TRNP1: variants seen among roughly 807,000 people sequenced by gnomAD.
The protein encoded by TRNP1 is TMF-regulated nuclear protein 1.
Under a neutral mutation model 12.2 loss-of-function variants are expected in TRNP1, and 16 were observed. The ratio of observed to expected loss-of-function variants is 1.31; its 90% CI spans 0.89 to 1.99. The LOEUF (loss-of-function observed/expected upper bound fraction) is 1.99. Ranked by LOEUF, TRNP1 falls within the 30% of genes most tolerant of loss-of-function variation. The probability of loss-of-function intolerance (pLI) is 0.00; values close to 1 mark genes in which losing one functional copy is unlikely to be tolerated. For missense variants in TRNP1, 338 were observed against 330.4 expected, an observed-to-expected ratio of 1.02 and a Z score of -0.18; for synonymous variants, 139 against 166.2, an observed-to-expected ratio of 0.84 and a Z score of 1.26.
In TRNP1 at chr1:26,994,654, CG is replaced by C. The variant is rs1240380526; in HGVS notation, c.*142+43del. 1 of 301,860 alleles carries C rather than the reference CG, an allele frequency of 3.3e-6. No individual in the cohort carries two copies. The highest frequency in any genetic ancestry group is 2.3e-5 in the African/African-American group (1 of 44,362). 18.7% of individuals were successfully genotyped at this position (301,860 alleles called of 1,614,324 possible). ...TGGTGCGTTCGAGGGTCGGTCATGG[CG>C]TGTGGGGGGCTGGTCCAGGGCCCGG... On this transcript the variant is annotated intron_variant, in intron 1 of 1. Coordinates refer to ENST00000522111, the MANE Select transcript of TRNP1 (RefSeq NM_001013642.3). The surrounding 1 kb of genome is among the most constrained non-coding windows in gnomAD (Gnocchi z 6.9).
chr1:26,997,241 G>GA (rs2082549317), intron 1 of TRNP1, among the ~76,000 whole-genome samples: 1 of 137,828 alleles, frequency 7.3e-6, no homozygotes, highest in South Asian at 2.5e-4. Flanking sequence ...GGGAGGCTGA[G>GA]AAAGAATTGC....
In TRNP1 at chr1:26,994,327, C is replaced by G. The variant is rs1232667028; in HGVS notation, c.541C>G (p.Pro181Ala). ...CCCGCGCCGCGGCCGCCGCGGCCGA[C>G]CCCCCGCGCTGCTGGCCTCGGCGCT... ...KGPRRGRRGR[P>A]PALLASALGL... The change falls in exon 1 of 2, where the codon CCC (proline) becomes GCC (alanine). Residue 181 changes from proline (P) to alanine (A), a missense_variant. Pro to Ala is a conservative substitution (Grantham distance 27). Transcript: ENST00000522111. The surrounding 1 kb of genome is among the most constrained non-coding windows in gnomAD (Gnocchi z 6.9). The G allele has an allele frequency of 6.1e-5, 67 of 1,104,604 alleles. No homozygotes were observed. Among genetic ancestry groups the G allele is most frequent in the Non-Finnish European group, 7.3e-5 (66 of 907,572 alleles). The allele number at this position is 1,104,604 out of a possible 1,614,324, so 68.4% of individuals were successfully genotyped here.
chr1:26,997,254 G>T (rs1428306309), intron 1 of TRNP1, among the ~76,000 whole-genome samples: 1 of 136,908 alleles, frequency 7.3e-6, no homozygotes, highest in East Asian at 2.5e-4. Context: ...AGAATTGCTT[G>T]AACTCGGGAG....
At chr1:26,999,607 C>T (rs1224188299) in intron 1 of TRNP1, among the ~76,000 whole-genome samples, 1 of 152,124 alleles carries the variant, frequency 6.6e-6, no homozygotes, top group Non-Finnish European at 1.5e-5. Context: ...GGAGGAGGGG[C>T]AGGCTTTTCA....
chr1:26,993,746 C>T lies in TRNP1; in HGVS notation c.-41C>T, dbSNP rs768017516. Reference sequence around the variant, plus strand: ...TTCGGGTGTGCTGTGGTCATCCTCCCTGCGCACCTACAGCCGCAGACCGCC... The same window carrying T: ...TTCGGGTGTGCTGTGGTCATCCTCCTTGCGCACCTACAGCCGCAGACCGCC... On this transcript the variant is annotated 5_prime_UTR_variant, in exon 1 of 2. Coordinates refer to ENST00000522111, the MANE Select transcript of TRNP1 (RefSeq NM_001013642.3). 2.7e-5 allele frequency: 35 copies of T among 1,282,864 alleles called. No individual in the cohort carries two copies. The highest frequency in any genetic ancestry group is 3.2e-5 in the Non-Finnish European group (33 of 1,016,674). 79.5% of individuals were successfully genotyped at this position (1,282,864 alleles called of 1,614,324 possible).
intron 1 of TRNP1, among the ~76,000 whole-genome samples, chr1:26,996,511 A>G (rs1197072091): frequency 6.6e-6 from 1 of 152,134 alleles, no homozygotes; most frequent in Non-Finnish European, 1.5e-5. Context: ...AACAGGGAAC[A>G]CCTTCCAAAG....
chr1:26,994,590 G>C lies in TRNP1; in HGVS notation c.*120G>C. The C allele has an allele frequency of 1.3e-6, 1 of 769,032 alleles. No individual in the cohort carries two copies. The highest frequency in any genetic ancestry group is 1.6e-6 in the Non-Finnish European group (1 of 619,300). The allele number at this position is 769,032 out of a possible 1,614,324, so 47.6% of individuals were successfully genotyped here. A position where few individuals can be genotyped will look rare whatever the true frequency, so the allele number is the denominator to read the frequency against. ...CGCAGGAAGAGGCAGTTGGGGGCCA[G>C]GGGCCCAGTAGAGGAGGCTGAGGTG... On this transcript the variant is annotated 3_prime_UTR_variant, in exon 1 of 2. Transcript: ENST00000522111. This position sits in a 1 kb window ranked among gnomAD's most constrained non-coding sequence, Gnocchi z 6.9.
chr1:26,999,324 C>T (rs529520712), intron 1 of TRNP1, among the ~76,000 whole-genome samples: 26 of 152,300 alleles, frequency 1.7e-4, no homozygotes, highest in African/African-American at 5.1e-4. Flanking sequence ...GCGGAGGTTG[C>T]GGTGAGCCGA....
Position 26,994,093 on chromosome 1 carries a change from C to G in TRNP1, c.307C>G (p.Leu103Val). 8.2e-7 allele frequency: 1 copy of G among 1,218,070 alleles called. No individual in the cohort carries two copies. The highest frequency in any genetic ancestry group is 1.0e-6 in the Non-Finnish European group (1 of 980,544). 75.5% of individuals were successfully genotyped at this position (1,218,070 alleles called of 1,614,324 possible). A position where few individuals can be genotyped will look rare whatever the true frequency, so the allele number is the denominator to read the frequency against. ...GGGGGCGGGGGGCCGCGCGCTGGAG[C>G]TGGCCGAAGCACGGCGGCGGCTGCT... is the stretch of plus-strand genomic sequence containing the variant. ...AAGAGGRALELAEARRRLLEV... is the reference protein window; with the variant it reads ...AAGAGGRALEVAEARRRLLEV... The change falls in exon 1 of 2, where the codon CTG (leucine) becomes GTG (valine). Residue 103 changes from leucine (L) to valine (V), a missense_variant. Coordinates refer to ENST00000522111, the MANE Select transcript of TRNP1 (RefSeq NM_001013642.3). This position sits in a 1 kb window ranked among gnomAD's most constrained non-coding sequence, Gnocchi z 6.9.
rs904121729 is a variant in TRNP1 at position 26,994,835 on chromosome 1, A to C, written c.*142+223A>C. ...CTCTTGAGGGGGCTCAGATCCCAGGAACGGGTTGGCGGCAAACTTTTACCA... is the reference window on the plus strand; with the variant it reads ...CTCTTGAGGGGGCTCAGATCCCAGGCACGGGTTGGCGGCAAACTTTTACCA... On this transcript the variant is annotated intron_variant, in intron 1 of 1. Transcript: ENST00000522111. The surrounding 1 kb of genome is among the most constrained non-coding windows in gnomAD (Gnocchi z 6.9). Among the ~76,000 whole-genome samples the C allele has an allele frequency of 1.3e-5, 2 of 152,144 alleles. No homozygotes were observed. Among genetic ancestry groups the C allele is most frequent in the Non-Finnish European group, 2.9e-5 (2 of 68,018 alleles).
At chr1:26,999,315 C>T (rs2082560962) in intron 1 of TRNP1, among the ~76,000 whole-genome samples, 1 of 152,154 alleles carries the variant, frequency 6.6e-6, no homozygotes, top group South Asian at 2.1e-4. Context: ...ACCTGGGAGG[C>T]GGAGGTTGCG....
Position 26,994,410 on chromosome 1 carries a change from C to T in TRNP1, c.624C>T (p.Pro208=). The change falls in exon 1 of 2, where the codon CCC becomes CCT. Residue 208 remains proline (P), a synonymous_variant. Transcript: ENST00000522111. The surrounding 1 kb of genome is among the most constrained non-coding windows in gnomAD (Gnocchi z 6.9). The stretch of plus-strand genomic sequence containing the variant: ...GGCGACTGCGGCGCGGCCACGGCCC[C>T]GAGCCCGACTCGCCCTTCCGCCGCA... ...GAGRLRRGHG[P]EPDSPFRRSP... 8.7e-7 allele frequency: 1 copy of T among 1,152,760 alleles called. No homozygotes were observed. Among genetic ancestry groups the T allele is most frequent in the East Asian group, 4.1e-5 (1 of 24,610 alleles). The allele number at this position is 1,152,760 out of a possible 1,614,324, so 71.4% of individuals were successfully genotyped here.
At position 26,994,437 on chromosome 1, in the gene TRNP1, CCCGCCCCG is replaced by C; in HGVS notation, c.653_660del (p.Pro218ArgfsTer52). The C allele has an allele frequency of 8.5e-7, 1 of 1,175,348 alleles. No homozygotes were observed. The highest frequency in any genetic ancestry group is 1.1e-6 in the Non-Finnish European group (1 of 951,596). 72.8% of individuals were successfully genotyped at this position (1,175,348 alleles called of 1,614,324 possible). On this transcript the variant is annotated frameshift_variant, in exon 1 of 2. Transcript: ENST00000522111. LOFTEE classifies it high-confidence loss of function. The surrounding 1 kb of genome is among the most constrained non-coding windows in gnomAD (Gnocchi z 6.9). ...AGCCCGACTCGCCCTTCCGCCGCAG[CCCGCCCCG>C]CGGCCCCGCCTCCCCGCAGCGCTGA...
Position 26,994,365 on chromosome 1 carries a change from C to T in TRNP1, c.579C>T (p.Gly193=). The change falls in exon 1 of 2, where the codon GGC becomes GGT. Residue 193 remains glycine, a synonymous_variant. Coordinates refer to ENST00000522111, the MANE Select transcript of TRNP1 (RefSeq NM_001013642.3). This position sits in a 1 kb window ranked among gnomAD's most constrained non-coding sequence, Gnocchi z 6.9. ...TGGCCTCGGCGCTGGGCCTGGGCGGCTGCGTGCCCTGGGGTGCCGGGCGAC... is the reference window on the plus strand; with the variant it reads ...TGGCCTCGGCGCTGGGCCTGGGCGGTTGCGTGCCCTGGGGTGCCGGGCGAC... The part of the protein sequence containing the change: ...ALLASALGLG[G]CVPWGAGRLR... The T allele has an allele frequency of 9.2e-7, 1 of 1,090,174 alleles. No homozygotes were observed. Among genetic ancestry groups the T allele is most frequent in the Non-Finnish European group, 1.1e-6 (1 of 898,740 alleles). 67.5% of individuals were successfully genotyped at this position (1,090,174 alleles called of 1,614,324 possible).
At position 26,993,897 on chromosome 1, in the gene TRNP1, C is replaced by A; in HGVS notation, c.111C>A (p.Pro37=). ...CCATGCCGTCCTCTCAGCCCCCGCC[C>A]CCAACTCCGACCTTGACTCCTACCC... ...WDPMPSSQPP[P]PTPTLTPTPT... Residue 37 remains proline, a synonymous_variant, in exon 1 of 2, where the codon CCC becomes CCA. Transcript: ENST00000522111. The A allele has an allele frequency of 2.9e-6, 4 of 1,378,280 alleles. No individual in the cohort carries two copies. Among genetic ancestry groups the A allele is most frequent in the Non-Finnish European group, 3.7e-6 (4 of 1,073,136 alleles). 85.4% of individuals were successfully genotyped at this position (1,378,280 alleles called of 1,614,324 possible). A position where few individuals can be genotyped will look rare whatever the true frequency, so the allele number is the denominator to read the frequency against.
intron 1 of TRNP1, among the ~76,000 whole-genome samples, chr1:26,997,981 G>A (rs1031679078): frequency 1.4e-4 from 22 of 152,158 alleles, no homozygotes; most frequent in African/African-American, 5.3e-4. Context: ...CGCGGTCAGC[G>A]CAGCCCTAGA....
Position 26,993,794 on chromosome 1 carries a change from G to A in TRNP1, c.8G>A (p.Gly3Asp). 1 of 1,321,246 alleles carries A rather than the reference G, an allele frequency of 7.6e-7. No individual in the cohort carries two copies. Among genetic ancestry groups the A allele is most frequent in the Non-Finnish European group, 9.6e-7 (1 of 1,037,904 alleles). 81.8% of individuals were successfully genotyped at this position (1,321,246 alleles called of 1,614,324 possible). A position where few individuals can be genotyped will look rare whatever the true frequency, so the allele number is the denominator to read the frequency against. MP[G>D]CRISACGPGA... ...GCCGGTGGGGGGCGGGGGATGCCGG[G>A]CTGCCGCATCAGCGCCTGCGGCCCG... Residue 3 changes from glycine to aspartate, a missense_variant, in exon 1 of 2, where the codon GGC becomes GAC. Physicochemically the swap from Gly to Asp is moderately conservative, Grantham distance 94. Transcript: ENST00000522111.
In TRNP1 at chr1:26,993,793, G is replaced by A. The variant is rs1219763840; in HGVS notation, c.7G>A (p.Gly3Ser). 3.0e-6 allele frequency: 4 copies of A among 1,317,818 alleles called. No homozygotes were observed. The highest frequency in any genetic ancestry group is 3.1e-5 in the African/African-American group (2 of 64,872). 81.6% of individuals were successfully genotyped at this position (1,317,818 alleles called of 1,614,324 possible). MP[G>S]CRISACGPGA... The stretch of plus-strand genomic sequence containing the variant: ...CGCCGGTGGGGGGCGGGGGATGCCG[G>A]GCTGCCGCATCAGCGCCTGCGGCCC... The change falls in exon 1 of 2, where the codon GGC becomes AGC. Residue 3 changes from glycine to serine, a missense_variant. Physicochemically the swap from Gly to Ser is moderately conservative, Grantham distance 56. Transcript: ENST00000522111.
At chr1:26,996,497 T>C (rs2082545949) in intron 1 of TRNP1, among the ~76,000 whole-genome samples, 1 of 152,146 alleles carries the variant, frequency 6.6e-6, no homozygotes, top group African/African-American at 2.4e-5. Context: ...CTCTGGTCTT[T>C]CCAAACAGGG....
Sources: gnomAD v4.1 joint callset for allele counts (sites outside exome capture counted in the v4.1 genomes callset) on GRCh38, gnomAD v4.1.1 for gene constraint, Gnocchi (gnomAD v3.1) non-coding constraint, MANE v1.5 for transcripts, NCBI Gene and HGNC (gene_info 2026-07-23, HGNC 2026-07-21) for gene names.